The following NKAIN2 variants were observed in gnomAD, a reference collection of about 807,000 sequenced individuals.
NKAIN2 encodes sodium/potassium-transporting ATPase subunit beta-1-interacting protein 2.
In NKAIN2, 14 loss-of-function variants were observed where a neutral mutation model predicts 32.6. That is an observed-to-expected ratio of 0.43 (90% CI 0.28 to 0.67). NKAIN2 has a LOEUF of 0.67. Ranked by LOEUF, NKAIN2 falls within the 30% of genes least tolerant of loss-of-function variation. The pLI is 0.17. For synonymous variants in NKAIN2, 80 were observed against 87.2 expected, an observed-to-expected ratio of 0.92 and a Z score of 0.46; for missense variants, 198 against 258.3, an observed-to-expected ratio of 0.77 and a Z score of 1.60.
In NKAIN2 at chr6:124,125,634, G is replaced by T. The variant is rs187949001; in HGVS notation, c.55-157371G>T. ...TTGTAATAAAGATATATACCCCTCT[G>T]CTTTCCAAGCCACATGTTATCTGTA... is the stretch of plus-strand genomic sequence containing the variant. On this transcript the variant is annotated intron_variant, in intron 1 of 6. Transcript: ENST00000368417. 6.6e-3 allele frequency among the ~76,000 whole-genome samples: 1,008 copies of T among 152,172 alleles called. 5 individuals are homozygous for T. The highest frequency in any genetic ancestry group is 7.9e-3 in the Non-Finnish European group (538 of 68,002).
At chr6:124,477,179 G>A (rs929451977) in intron 3 of NKAIN2, among the ~76,000 whole-genome samples, 10 of 152,164 alleles carry the variant, frequency 6.6e-5, no homozygotes, top group African/African-American at 2.2e-4. Context: ...AAAGTAAGGA[G>A]AATATAAGAG....
intron 1 of NKAIN2, among the ~76,000 whole-genome samples, chr6:124,118,796 C>T (rs1785740701): frequency 6.6e-6 from 1 of 152,142 alleles, no homozygotes. Flanking sequence ...TCATCCTGTA[C>T]AGGCCGGAGT....
At chr6:123,897,534 AT>A (rs1416331650) in intron 1 of NKAIN2, among the ~76,000 whole-genome samples, 8 of 151,970 alleles carry the variant, frequency 5.3e-5, no homozygotes, top group African/African-American at 1.7e-4. Flanking sequence ...TCACATGTGG[AT>A]TTTTGCTCCT....
intron 3 of NKAIN2, among the ~76,000 whole-genome samples, chr6:124,430,576 A>G (rs1775172326): frequency 6.6e-6 from 1 of 151,992 alleles, no homozygotes; most frequent in Non-Finnish European, 1.5e-5. Context: ...ATCTCCTTCC[A>G]TCTCTTTACA....
At chr6:123,937,628 A>G (rs1776580554) in intron 1 of NKAIN2, among the ~76,000 whole-genome samples, 1 of 152,118 alleles carries the variant, frequency 6.6e-6, no homozygotes, top group Non-Finnish European at 1.5e-5. Context: ...TTTATGAAAA[A>G]TAATAGTAAA....
chr6:124,799,665 G>C (rs1488875249), intron 5 of NKAIN2, among the ~76,000 whole-genome samples: 2 of 152,088 alleles, frequency 1.3e-5, no homozygotes, highest in African/African-American at 2.4e-5. Context: ...TAACAAAAGA[G>C]GTATTTTTTA....
intron 3 of NKAIN2, among the ~76,000 whole-genome samples, chr6:124,436,001 C>T (rs1195125864): frequency 6.6e-6 from 1 of 152,044 alleles, no homozygotes; most frequent in African/African-American, 2.4e-5. Flanking sequence ...GAAATATTCA[C>T]TTTATTACTT....
chr6:124,121,055 A>C (rs780246998), intron 1 of NKAIN2, among the ~76,000 whole-genome samples: 3 of 152,152 alleles, frequency 2.0e-5, no homozygotes, highest in Non-Finnish European at 2.9e-5. Flanking sequence ...GATCAATAAA[A>C]GCTAAACCGA....
At chr6:124,319,669 A>G (rs1021690067) in intron 2 of NKAIN2, among the ~76,000 whole-genome samples, 2 of 152,098 alleles carry the variant, frequency 1.3e-5, no homozygotes, top group African/African-American at 4.8e-5. Flanking sequence ...GTTATTATAC[A>G]TGCTGGGAAA....
At chr6:124,559,920 T>C (rs1780626983) in intron 3 of NKAIN2, among the ~76,000 whole-genome samples, 1 of 146,884 alleles carries the variant, frequency 6.8e-6, no homozygotes, top group Non-Finnish European at 1.5e-5. Context: ...TAGACTATTC[T>C]GACTGATGCA....
chr6:124,697,458 A>G (rs1774551862), intron 4 of NKAIN2, among the ~76,000 whole-genome samples: 1 of 152,168 alleles, frequency 6.6e-6, no homozygotes, highest in Admixed American at 6.6e-5. Flanking sequence ...CATATAAAAC[A>G]TCTATTATTT....
chr6:124,703,613 C>T (rs1197711917), intron 4 of NKAIN2, among the ~76,000 whole-genome samples: 1 of 151,996 alleles, frequency 6.6e-6, no homozygotes, highest in Non-Finnish European at 1.5e-5. Flanking sequence ...ACACTGGAAG[C>T]TCTGACAAGT....
Position 123,910,499 on chromosome 6 carries a change from G to GTTTTTTTTTTTTTTTTTTTT in NKAIN2, c.54+106249_54+106268dup, listed in dbSNP as rs35165515. Among the ~76,000 whole-genome samples the GTTTTTTTTTTTTTTTTTTTT allele has an allele frequency of 1.2e-4, 10 of 81,318 alleles. 1 individual carries two copies. The highest frequency in any genetic ancestry group is 5.0e-4 in the South Asian group (1 of 2,006). 53.3% of individuals were successfully genotyped at this position (81,318 alleles called of 152,430 possible). ...TTTGAGGACATTACCTGCAATGCAT[G>GTTTTTTTTTTTTTTTTTTTT]TTTTTTTTTTTTTTTTTTTTTTTGA... is the stretch of plus-strand genomic sequence containing the variant. On this transcript the variant is annotated intron_variant, in intron 1 of 6. Transcript: ENST00000368417.
At chr6:124,665,008 G>T (rs542992806) in intron 4 of NKAIN2, among the ~76,000 whole-genome samples, 10 of 151,860 alleles carry the variant, frequency 6.6e-5, no homozygotes, top group African/African-American at 2.4e-4. Flanking sequence ...AATGTAGTAG[G>T]TCCCTTTAAC....
chr6:124,732,856 A>T (rs140019284), intron 4 of NKAIN2, among the ~76,000 whole-genome samples: 2,217 of 152,186 alleles, frequency 0.015, 32 homozygotes, highest in South Asian at 0.041. Flanking sequence ...TTATATCCAT[A>T]TAAAAATCTT....
intron 3 of NKAIN2, among the ~76,000 whole-genome samples, chr6:124,536,765 G>A (rs1484256604): frequency 6.6e-6 from 1 of 152,166 alleles, no homozygotes; most frequent in African/African-American, 2.4e-5. Context: ...TTGAGTTTCA[G>A]TTTTTTCTCT....
chr6:124,632,417 AC>A (rs1408061395), intron 3 of NKAIN2, among the ~76,000 whole-genome samples: 10 of 152,182 alleles, frequency 6.6e-5, no homozygotes, highest in Admixed American at 3.3e-4. Flanking sequence ...TTTGCCCAGC[AC>A]CCCCATCCCT....
intron 1 of NKAIN2, among the ~76,000 whole-genome samples, chr6:124,139,123 C>T (rs1356719338): frequency 1.6e-5 from 2 of 127,756 alleles, no homozygotes; most frequent in Non-Finnish European, 3.1e-5. Flanking sequence ...GCTCTGTCGC[C>T]CAGGCCGGAC....
chr6:124,770,039 T>A (rs1485051170), intron 4 of NKAIN2, among the ~76,000 whole-genome samples: 1 of 152,170 alleles, frequency 6.6e-6, no homozygotes, highest in East Asian at 1.9e-4. Flanking sequence ...AGAGACAGAT[T>A]CTGTCAGCAC....
Sources: gnomAD v4.1 joint callset for allele counts (sites outside exome capture counted in the v4.1 genomes callset) on GRCh38, gnomAD v4.1.1 for gene constraint, MANE v1.5 for transcripts, NCBI Gene and HGNC (gene_info 2026-07-23, HGNC 2026-07-21) for gene names.